The following AP3B1 variants were observed in gnomAD, a reference collection of about 807,000 sequenced individuals.
AP3B1 encodes adaptor related protein complex 3 subunit beta 1, also known as AP-3 complex subunit beta-1.
In AP3B1, 61 loss-of-function variants were observed where a neutral mutation model predicts 132.5. The observed-to-expected ratio is 0.46, with a 90% CI of 0.37 to 0.57. The LOEUF (loss-of-function observed/expected upper bound fraction) is 0.57, where lower values mean the gene tolerates loss of function less well. Ranked by LOEUF, AP3B1 falls within the 20% of genes least tolerant of loss-of-function variation. The pLI, the probability that AP3B1 is intolerant of heterozygous loss-of-function variation, is 0.00. For missense variants in AP3B1, 1,120 were observed against 1,289.4 expected, an observed-to-expected ratio of 0.87 and a Z score of 2.01; for synonymous variants, 388 against 438.3, an observed-to-expected ratio of 0.89 and a Z score of 1.43.
chr5:78,291,148 T>C (rs1749496172), intron 1 of AP3B1, among the ~76,000 whole-genome samples: 1 of 151,840 alleles, frequency 6.6e-6, no homozygotes, highest in South Asian at 2.1e-4. Flanking sequence ...AAGATTAAAT[T>C]CAGAAAACAA....
intron 14 of AP3B1, among the ~76,000 whole-genome samples, chr5:78,149,375 T>G (rs1753548180): frequency 6.6e-6 from 1 of 152,216 alleles, no homozygotes; most frequent in Non-Finnish European, 1.5e-5. Flanking sequence ...AGAACTTTCC[T>G]TGAAGTGTTG....
At chr5:78,241,043 A>T in intron 2 of AP3B1, 107 bp from the exon 3 acceptor site, 1 of 776,832 alleles carries the variant, frequency 1.3e-6, no homozygotes, top group Non-Finnish European at 2.2e-6. Flanking sequence ...ACTCTTTTTG[A>T]ATCATCTTAC....
intron 1 of AP3B1, among the ~76,000 whole-genome samples, chr5:78,274,357 T>G (rs1170808563): frequency 1.4e-5 from 2 of 147,632 alleles, no homozygotes; most frequent in East Asian, 4.0e-4. Flanking sequence ...CACAGAGAAA[T>G]AAAAGAATGG....
chr5:78,010,323 G>A (rs540629563), intron 26 of AP3B1, among the ~76,000 whole-genome samples: 18 of 152,266 alleles, frequency 1.2e-4, no homozygotes, highest in African/African-American at 3.9e-4. Flanking sequence ...TGTGGACTTC[G>A]GAACATTTGC....
chr5:78,224,243 T>C (rs943691845), intron 6 of AP3B1, among the ~76,000 whole-genome samples: 6 of 152,070 alleles, frequency 3.9e-5, no homozygotes, highest in Non-Finnish European at 7.4e-5. Flanking sequence ...CAACTATGCA[T>C]AGAAGAAATG....
At chr5:78,238,452 G>A (rs866111583) in intron 3 of AP3B1, among the ~76,000 whole-genome samples, 1 of 152,040 alleles carries the variant, frequency 6.6e-6, no homozygotes, top group African/African-American at 2.4e-5. Flanking sequence ...TACCCACCCT[G>A]GGTCCAGAGA....
chr5:78,261,045 T>C (rs2112552482), intron 2 of AP3B1, among the ~76,000 whole-genome samples: 1 of 152,368 alleles, frequency 6.6e-6, no homozygotes, highest in South Asian at 2.1e-4. Context: ...ACCTATTGGC[T>C]TCTATAAATA....
chr5:78,150,755 A>G (rs1753608037), intron 14 of AP3B1, among the ~76,000 whole-genome samples: 1 of 152,022 alleles, frequency 6.6e-6, no homozygotes, highest in African/African-American at 2.4e-5. Flanking sequence ...TGGAACTAAT[A>G]TTTATTGCTT....
At chr5:78,039,782 AAAAAAAAAAAG>A (rs1289084315) in intron 22 of AP3B1, among the ~76,000 whole-genome samples, 1 of 150,108 alleles carries the variant, frequency 6.7e-6, no homozygotes, top group Non-Finnish European at 1.5e-5. Context: ...CGTCTCAAAA[AAAAAAAAAAAG>A]AAAAGAAAAG....
At chr5:78,127,209 C>G (rs1255980117) in intron 17 of AP3B1, among the ~76,000 whole-genome samples, 3 of 152,148 alleles carry the variant, frequency 2.0e-5, no homozygotes, top group African/African-American at 4.8e-5. Context: ...CACTTTCCCA[C>G]AGGAATTAGT....
chr5:78,104,278 A>C (rs1274782800), intron 20 of AP3B1, among the ~76,000 whole-genome samples: 1 of 152,208 alleles, frequency 6.6e-6, no homozygotes, highest in African/African-American at 2.4e-5. Context: ...TTGTGCTTTA[A>C]AACAAAAGTA....
intron 22 of AP3B1, among the ~76,000 whole-genome samples, chr5:78,074,636 GA>G (rs569223128): frequency 2.7e-5 from 4 of 150,876 alleles, no homozygotes; most frequent in Non-Finnish European, 5.9e-5. Context: ...TTATAAAATG[GA>G]AAAAAAAAAT....
intron 22 of AP3B1, among the ~76,000 whole-genome samples, chr5:78,062,848 C>T (rs1561382152): frequency 6.6e-6 from 1 of 152,124 alleles, no homozygotes; most frequent in African/African-American, 2.4e-5. Context: ...GAGGGAAGGT[C>T]AGCGAGGTGC....
chr5:78,063,578 A>G (rs1214183610), intron 22 of AP3B1, among the ~76,000 whole-genome samples: 1 of 152,194 alleles, frequency 6.6e-6, no homozygotes, highest in Non-Finnish European at 1.5e-5. Flanking sequence ...TTTGAATCCT[A>G]TGACACATGG....
rs1445614868 is a variant in AP3B1, at chr5:78,177,454, A to C, written c.943-18T>G. The C allele has an allele frequency of 1.3e-6, 2 of 1,575,134 alleles. No individual in the cohort carries two copies. The highest frequency in any genetic ancestry group is 3.3e-5 in the Admixed American group (2 of 59,968). ...ATAACCACCTACAAGATAAAGCATAAAAATAACAGAACTATGAACACTAGA... is the reference window on the plus strand; with the variant it reads ...ATAACCACCTACAAGATAAAGCATACAAATAACAGAACTATGAACACTAGA... On this transcript the variant is annotated intron_variant, in intron 8 of 26. Coordinates refer to ENST00000255194, the MANE Select transcript of AP3B1 (RefSeq NM_003664.5).
chr5:78,283,201 G>C (rs777344362), intron 1 of AP3B1, among the ~76,000 whole-genome samples: 6 of 152,088 alleles, frequency 3.9e-5, no homozygotes, highest in Non-Finnish European at 8.8e-5. Context: ...CAAGGGCAGA[G>C]AGTTGTAAAA....
chr5:78,039,777 CAAAAAAAAA>C (rs1253462843), intron 22 of AP3B1, among the ~76,000 whole-genome samples: 21 of 71,232 alleles, frequency 2.9e-4, no homozygotes, highest in African/African-American at 1.1e-3. Context: ...GACTCCGTCT[CAAAAAAAAA>C]AAAAAAGAAA....
At chr5:78,021,411 G>A (rs1747091505) in intron 24 of AP3B1, among the ~76,000 whole-genome samples, 1 of 152,006 alleles carries the variant, frequency 6.6e-6, no homozygotes, top group African/African-American at 2.4e-5. Context: ...ATTTAAGAAA[G>A]CCAACCTTGT....
intron 23 of AP3B1, among the ~76,000 whole-genome samples, chr5:78,036,301 G>A (rs1747804437): frequency 6.6e-6 from 1 of 152,036 alleles, no homozygotes; most frequent in Non-Finnish European, 1.5e-5. Flanking sequence ...ATAATACTTG[G>A]AGCCGACTAA....
Sources: allele counts gnomAD v4.1 joint callset (sites outside exome capture counted in the v4.1 genomes callset), GRCh38; gene constraint gnomAD v4.1.1; transcripts MANE v1.5; gene names NCBI Gene and HGNC (gene_info 2026-07-23, HGNC 2026-07-21).